The following CA10 variants were observed in gnomAD, a reference collection of about 807,000 sequenced individuals.
The protein encoded by CA10 is carbonic anhydrase-related protein 10.
A neutral mutation model predicts 44.2 loss-of-function variants in CA10; 14 were observed. The ratio of observed to expected loss-of-function variants is 0.32; its 90% confidence interval spans 0.21 to 0.50. The LOEUF (loss-of-function observed/expected upper bound fraction) is 0.50. Ranked by LOEUF, CA10 falls within the 20% of genes least tolerant of loss-of-function variation. The pLI, the probability that CA10 is intolerant of heterozygous loss-of-function variation, is 0.99. For missense variants in CA10, 350 were observed against 409.7 expected (o/e 0.85, Z 1.26); for synonymous variants, 159 against 141.6 (o/e 1.12, Z -0.87).
At chr17:51,832,544 T>G (rs1436985686) in intron 3 of CA10, among the ~76,000 whole-genome samples, 1 of 152,184 alleles carries the variant, frequency 6.6e-6, no homozygotes, top group Non-Finnish European at 1.5e-5. Context: ...AGGAAGAATC[T>G]GGTAAGTGTT....
intron 3 of CA10, among the ~76,000 whole-genome samples, chr17:51,882,127 C>T (rs374477790): frequency 3.3e-5 from 5 of 150,024 alleles, no homozygotes; most frequent in African/African-American, 4.9e-5. Context: ...AAAATAGATG[C>T]GTATGTTATG....
intron 2 of CA10, among the ~76,000 whole-genome samples, chr17:51,951,013 G>T (rs2144033182): frequency 6.6e-6 from 1 of 152,118 alleles, no homozygotes; most frequent in East Asian, 1.9e-4. Context: ...ATTCCATTTT[G>T]GAAATCACCA....
intron 3 of CA10, among the ~76,000 whole-genome samples, chr17:51,769,758 C>T (rs537054237): frequency 2.0e-4 from 30 of 152,230 alleles, no homozygotes; most frequent in Admixed American, 2.6e-4. Context: ...CATCCTAAAA[C>T]GGTTGATCAA....
intron 3 of CA10, among the ~76,000 whole-genome samples, chr17:51,785,492 T>C (rs1906234362): frequency 6.6e-6 from 1 of 152,146 alleles, no homozygotes; most frequent in Non-Finnish European, 1.5e-5. Context: ...AGTTAAAAAT[T>C]GCTTATATCC....
At chr17:51,920,449 GAGA>G (rs776521952) in intron 3 of CA10, among the ~76,000 whole-genome samples, 5 of 152,068 alleles carry the variant, frequency 3.3e-5, no homozygotes, top group African/African-American at 4.8e-5. Context: ...GAGAAAAAAT[GAGA>G]AGAAGTATAG....
At chr17:51,844,354 TAAC>T (rs1978400363) in intron 3 of CA10, among the ~76,000 whole-genome samples, 1 of 152,204 alleles carries the variant, frequency 6.6e-6, no homozygotes. Context: ...AGAAAAATTG[TAAC>T]AAAAGTTGAA....
At chr17:51,729,712 C>T (rs1192438053) in intron 4 of CA10, among the ~76,000 whole-genome samples, 1 of 152,220 alleles carries the variant, frequency 6.6e-6, no homozygotes, top group Non-Finnish European at 1.5e-5. Context: ...ATCATGCCTC[C>T]TACCAGCTGG....
intron 4 of CA10, among the ~76,000 whole-genome samples, chr17:51,730,149 A>T (rs1299607424): frequency 6.6e-6 from 1 of 152,220 alleles, no homozygotes; most frequent in Non-Finnish European, 1.5e-5. Flanking sequence ...GAAAGACTGT[A>T]AATATCTCCT....
intron 3 of CA10, among the ~76,000 whole-genome samples, chr17:51,847,846 G>A (rs911675990): frequency 3.3e-5 from 5 of 152,182 alleles, no homozygotes; most frequent in Non-Finnish European, 5.9e-5. Context: ...TCAGGAGTGT[G>A]TCCTGAGACT....
intron 4 of CA10, among the ~76,000 whole-genome samples, chr17:51,708,166 G>A (rs1353598364): frequency 1.3e-5 from 2 of 152,146 alleles, no homozygotes; most frequent in African/African-American, 2.4e-5. Flanking sequence ...GCTTCTCTCA[G>A]GAGCTTCGAA....
chr17:51,889,533 AAAACC>A (rs1209377356), intron 3 of CA10, among the ~76,000 whole-genome samples: 51 of 152,268 alleles, frequency 3.3e-4, no homozygotes, highest in Admixed American at 8.5e-4. Flanking sequence ...AAAATAAAAT[AAAACC>A]AAACCAAACC....
At chr17:51,747,885 G>C in intron 3 of CA10, 67 bp from the exon 4 acceptor site, 2 of 1,260,088 alleles carry the variant, frequency 1.6e-6, no homozygotes, top group South Asian at 2.8e-5. Context: ...AACCCAGCAT[G>C]GTGCTTGGAT....
chr17:51,776,698 G>A (rs1429035203), intron 3 of CA10, among the ~76,000 whole-genome samples: 5 of 152,178 alleles, frequency 3.3e-5, no homozygotes, highest in Non-Finnish European at 7.3e-5. Flanking sequence ...TCCAGTAACT[G>A]AACTGAGTAT....
chr17:51,651,427 A>C (rs1470774764), intron 5 of CA10, among the ~76,000 whole-genome samples: 1 of 152,212 alleles, frequency 6.6e-6, no homozygotes, highest in Non-Finnish European at 1.5e-5. Context: ...GTTGTGGCTT[A>C]TTTTGAGATC....
chr17:52,048,750 G>C (rs1377385682), intron 2 of CA10, among the ~76,000 whole-genome samples: 1 of 152,004 alleles, frequency 6.6e-6, no homozygotes, highest in African/African-American at 2.4e-5. Context: ...AATTAGTCCA[G>C]GTTGACAGCA....
chr17:51,764,625 G>A (rs1429985901), intron 3 of CA10, among the ~76,000 whole-genome samples: 1 of 152,140 alleles, frequency 6.6e-6, no homozygotes, highest in African/African-American at 2.4e-5. Context: ...GGTTGCAGAG[G>A]TTGTAGGAAG....
At chr17:51,925,440 A>G (rs1181876160) in intron 3 of CA10, among the ~76,000 whole-genome samples, 1 of 151,890 alleles carries the variant, frequency 6.6e-6, no homozygotes, top group African/African-American at 2.4e-5. Flanking sequence ...AAAAAAAAAA[A>G]CAACAAGTTT....
intron 1 of CA10, among the ~76,000 whole-genome samples, chr17:52,157,038 GCA>G (rs1203172066): frequency 2.6e-5 from 4 of 152,156 alleles, no homozygotes; most frequent in Admixed American, 6.5e-5. Context: ...GCTCTTAAAA[GCA>G]CAGACAGGCC....
At chr17:51,873,803 G>T (rs1262888418) in intron 3 of CA10, among the ~76,000 whole-genome samples, 1 of 152,140 alleles carries the variant, frequency 6.6e-6, no homozygotes, top group Non-Finnish European at 1.5e-5. Flanking sequence ...GTCCAGCCTA[G>T]TGTTTTTCTT....
Sources: gnomAD v4.1 joint callset for allele counts (sites outside exome capture counted in the v4.1 genomes callset) on GRCh38, gnomAD v4.1.1 for gene constraint, MANE v1.5 for transcripts, NCBI Gene and HGNC (gene_info 2026-07-23, HGNC 2026-07-21) for gene names.